Variants in KLHL3 observed in about 807,000 individuals in gnomAD.
KLHL3 encodes the protein kelch-like protein 3.
A neutral mutation model predicts 70.5 loss-of-function variants in KLHL3; 19 were observed. The observed-to-expected ratio is 0.27, with a 90% CI of 0.19 to 0.40. The LOEUF (loss-of-function observed/expected upper bound fraction) is 0.40. Ranked by LOEUF, KLHL3 falls within the 10% of genes least tolerant of loss-of-function variation. The pLI, the probability that KLHL3 is intolerant of heterozygous loss-of-function variation, is 1.00. For synonymous variants in KLHL3, 258 were observed against 290.3 expected (o/e 0.89, Z 1.13); for missense variants, 512 against 771.1 (o/e 0.66, Z 3.98).
intron 8 of KLHL3, among the ~76,000 whole-genome samples, chr5:137,652,277 A>C (rs1352293562): frequency 6.6e-6 from 1 of 152,334 alleles, no homozygotes; most frequent in East Asian, 1.9e-4. Context: ...AAAAATAAAA[A>C]TAGAACTACC....
chr5:137,729,046 G>A (rs1401820407), intron 1 of KLHL3, among the ~76,000 whole-genome samples: 1 of 151,992 alleles, frequency 6.6e-6, no homozygotes. Context: ...GTGCGAGAAT[G>A]TAGAGGGAAG....
intron 8 of KLHL3, among the ~76,000 whole-genome samples, chr5:137,651,105 G>A (rs1375021103): frequency 2.6e-5 from 4 of 152,090 alleles, no homozygotes; most frequent in Non-Finnish European, 4.4e-5. Context: ...AGCCCATCAG[G>A]AAAAAATGAG....
intron 3 of KLHL3, among the ~76,000 whole-genome samples, chr5:137,704,245 C>T (rs4588595): frequency 0.75 from 114,320 of 151,834 alleles, 43,325 homozygotes; most frequent in East Asian, 0.98. Context: ...ATTAGCCGGG[C>T]GCGGTGGCGG....
rs1750855274 is a variant in KLHL3 at position 137,639,495 on chromosome 5, G to C, written c.1022-345C>G. Among the ~76,000 whole-genome samples, 1 of 152,102 alleles carries C rather than the reference G, an allele frequency of 6.6e-6. No homozygotes were observed. Among genetic ancestry groups the C allele is most frequent in the Non-Finnish European group, 1.5e-5 (1 of 68,026 alleles). Reference sequence around the variant, plus strand: ...GGATCACCTGAGGTCAGGAGTTCAAGACCAGCTTGGCCAAAATGGTGAAAC... The same window carrying C: ...GGATCACCTGAGGTCAGGAGTTCAACACCAGCTTGGCCAAAATGGTGAAAC... On this transcript the variant is annotated intron_variant, in intron 9 of 14. Transcript: ENST00000309755. This position sits in a 1 kb window ranked among gnomAD's most constrained non-coding sequence, Gnocchi z 5.0.
intron 3 of KLHL3, among the ~76,000 whole-genome samples, chr5:137,709,373 G>A (rs564310009): frequency 9.2e-5 from 14 of 152,348 alleles, no homozygotes; most frequent in African/African-American, 3.1e-4. Context: ...CCTTGGGCAG[G>A]TCTCTTCCCT....
intron 1 of KLHL3, among the ~76,000 whole-genome samples, chr5:137,725,325 A>G (rs1561621443): frequency 6.6e-6 from 1 of 152,172 alleles, no homozygotes; most frequent in Non-Finnish European, 1.5e-5. Flanking sequence ...CAGCCATGAG[A>G]TGTTTTCTGT....
At chr5:137,628,708 T>G in intron 12 of KLHL3, 1 of 226,524 alleles carries the variant, frequency 4.4e-6, no homozygotes, top group Non-Finnish European at 8.3e-6. Context: ...TATATATATA[T>G]ATATACACAC....
At chr5:137,630,966 G>A (rs1750620301) in intron 12 of KLHL3, among the ~76,000 whole-genome samples, 1 of 150,298 alleles carries the variant, frequency 6.7e-6, no homozygotes, top group African/African-American at 2.5e-5. Flanking sequence ...GCACACAAAG[G>A]CTCTTTAAAA....
chr5:137,689,089 G>A (rs1010409319), intron 5 of KLHL3, among the ~76,000 whole-genome samples: 1 of 152,194 alleles, frequency 6.6e-6, no homozygotes, highest in Non-Finnish European at 1.5e-5. Context: ...TAATAAAGGT[G>A]GGGATTCACA....
Position 137,698,272 on chromosome 5 carries a change from T to C in KLHL3, c.363+15A>G. ...AGTGTGCAATACACTGAGCTATTAGTGAGCCTGAGTTTACCTGGACATTCT... is the reference window on the plus strand; with the variant it reads ...AGTGTGCAATACACTGAGCTATTAGCGAGCCTGAGTTTACCTGGACATTCT... On this transcript the variant is annotated intron_variant, in intron 4 of 14. Transcript: ENST00000309755. 6.2e-7 allele frequency: 1 copy of C among 1,614,034 alleles called. No homozygotes were observed. Among genetic ancestry groups the C allele is most frequent in the Non-Finnish European group, 8.5e-7 (1 of 1,179,890 alleles).
Position 137,639,212 on chromosome 5 carries a change from G to A in KLHL3, c.1022-62C>T. The A allele has an allele frequency of 6.6e-7, 1 of 1,504,924 alleles. No homozygotes were observed. Among genetic ancestry groups the A allele is most frequent in the Admixed American group, 1.8e-5 (1 of 55,676 alleles). 93.2% of individuals were successfully genotyped at this position (1,504,924 alleles called of 1,614,324 possible). A position where few individuals can be genotyped will look rare whatever the true frequency, so the allele number is the denominator to read the frequency against. ...AGGCGCATGACTGCTCATGTTGATG[G>A]ATGGCAATGGAGGAGCAAGACAGAC... On this transcript the variant is annotated intron_variant, in intron 9 of 14. Coordinates refer to ENST00000309755, the MANE Select transcript of KLHL3 (RefSeq NM_017415.3). This position sits in a 1 kb window ranked among gnomAD's most constrained non-coding sequence, Gnocchi z 5.0.
chr5:137,650,430 G>C (rs1041915619), intron 8 of KLHL3, among the ~76,000 whole-genome samples: 8 of 152,182 alleles, frequency 5.3e-5, no homozygotes, highest in African/African-American at 1.9e-4. Flanking sequence ...CTGGGGAAGA[G>C]ACCAGTTCAT....
chr5:137,696,339 G>A (rs1165444749), intron 4 of KLHL3, among the ~76,000 whole-genome samples: 1 of 152,184 alleles, frequency 6.6e-6, no homozygotes, highest in African/African-American at 2.4e-5. Flanking sequence ...AAGAGGTGGG[G>A]GGGTATATAG....
At chr5:137,663,066 T>A (rs1026183845) in intron 6 of KLHL3, among the ~76,000 whole-genome samples, 15 of 146,020 alleles carry the variant, frequency 1.0e-4, no homozygotes, top group African/African-American at 3.8e-4. Context: ...CTTTTTTTTT[T>A]TTTTTTTTTT....
At chr5:137,623,901 C>T (rs1405284898) in intron 14 of KLHL3, among the ~76,000 whole-genome samples, 1 of 152,172 alleles carries the variant, frequency 6.6e-6, no homozygotes, top group East Asian at 1.9e-4. Context: ...TATCTGACTC[C>T]AATATCCATC....
At position 137,720,545 on chromosome 5, in the gene KLHL3, A is replaced by C; in HGVS notation, c.54T>G (p.Asp18Glu). The part of the protein sequence containing the change: ...LSSQTLIQAG[D>E]DEKNQRTITV... ...TGATCGTCCTCTGGTTCTTCTCATCATCCCCAGCCTGTATCAGAGTCTGGG... is the reference window on the plus strand; with the variant it reads ...TGATCGTCCTCTGGTTCTTCTCATCCTCCCCAGCCTGTATCAGAGTCTGGG... Residue 18 changes from aspartate to glutamate, a missense_variant, in exon 2 of 15, where the codon GAT (aspartate) becomes GAG (glutamate). Transcript: ENST00000309755. 2 of 1,614,114 alleles carry C rather than the reference A, an allele frequency of 1.2e-6. No homozygotes were observed. The highest frequency in any genetic ancestry group is 1.7e-6 in the Non-Finnish European group (2 of 1,180,002).
In KLHL3 at chr5:137,720,469, G is replaced by C; in HGVS notation, c.130C>G (p.Arg44Gly). 1 of 1,614,084 alleles carries C rather than the reference G, an allele frequency of 6.2e-7. No homozygotes were observed. Among genetic ancestry groups the C allele is most frequent in the Non-Finnish European group, 8.5e-7 (1 of 1,179,968 alleles). The change falls in exon 2 of 15, where the codon CGG becomes GGG. Residue 44 changes from arginine to glycine, a missense_variant. Arg to Gly is a moderately radical substitution (Grantham distance 125). Transcript: ENST00000309755. ...CGGACAAGATAGAAAAAGTACCTCC[G>C]CAGTTCATTCATAACCTTGAATGCT... The part of the protein sequence containing the change: ...GKAFKVMNEL[R>G]SKQLLCDVMI...
intron 5 of KLHL3, among the ~76,000 whole-genome samples, chr5:137,682,294 A>C (rs1046717589): frequency 1.3e-5 from 2 of 151,936 alleles, no homozygotes; most frequent in African/African-American, 2.4e-5. Context: ...AAATATTCTG[A>C]TGAGTATCTT....
intron 5 of KLHL3, among the ~76,000 whole-genome samples, chr5:137,691,250 A>G (rs1427052076): frequency 1.3e-5 from 2 of 152,230 alleles, no homozygotes; most frequent in Admixed American, 6.5e-5. Flanking sequence ...CCTTCTTATT[A>G]AAGTTTTCTG....
Sources: gnomAD v4.1 joint callset for allele counts (sites outside exome capture counted in the v4.1 genomes callset) on GRCh38, gnomAD v4.1.1 for gene constraint, Gnocchi (gnomAD v3.1) non-coding constraint, MANE v1.5 for transcripts, NCBI Gene and HGNC (gene_info 2026-07-23, HGNC 2026-07-21) for gene names.